BRF1: variants seen among roughly 807,000 people sequenced by gnomAD.
BRF1 encodes BRF1 general transcription factor IIIB subunit.
BRF1 carries 59 observed loss-of-function variants against 81.7 expected under a neutral mutation model. The ratio of observed to expected loss-of-function variants is 0.72; its 90% CI spans 0.59 to 0.90. The LOEUF (loss-of-function observed/expected upper bound fraction) is 0.90, where lower values mean the gene tolerates loss of function less well. BRF1 is among the 40% of genes least tolerant of loss of function. The pLI, the probability that BRF1 is intolerant of heterozygous loss-of-function variation, is 0.00. For missense variants in BRF1, 1,050 were observed against 936.3 expected (o/e 1.12, Z -1.58); for synonymous variants, 491 against 395.6 (o/e 1.24, Z -2.86).
chr14:105,215,579 CACAG>C (rs1172723445), intron 15 of BRF1, among the ~76,000 whole-genome samples: 31 of 149,806 alleles, frequency 2.1e-4, no homozygotes, highest in African/African-American at 7.1e-4. Context: ...ACTGCAGGCA[CACAG>C]ACACAGGCGC....
Position 105,212,112 on chromosome 14 carries a change from C to T in BRF1, c.1824+1G>A, listed in dbSNP as rs1890214524. On this transcript the variant is annotated splice_donor_variant, in intron 16 of 17. Transcript: ENST00000547530. LOFTEE classifies it high-confidence loss of function. ...TGCCCTGGCTGCGTGGGACAACACA[C>T]CTCTCCCGTGGCCACCTTCTTTGCT... 1.9e-6 allele frequency: 3 copies of T among 1,612,682 alleles called. No individual in the cohort carries two copies. Among genetic ancestry groups the T allele is most frequent in the Non-Finnish European group, 1.7e-6 (2 of 1,179,662 alleles).
intron 6 of BRF1, 123 bp from the exon 7 acceptor site, chr14:105,229,036 G>A (rs2054275414): frequency 2.3e-6 from 2 of 858,390 alleles, no homozygotes; most frequent in East Asian, 2.4e-5. Context: ...ACGTGTCTGT[G>A]CCAGGCAGTG....
intron 15 of BRF1, 189 bp downstream of exon 15, chr14:105,217,355 C>T: frequency 1.1e-6 from 1 of 895,380 alleles, no homozygotes; most frequent in Non-Finnish European, 1.7e-6. Context: ...GCCTGCCAGG[C>T]CAAGGAGAGT....
intron 15 of BRF1, among the ~76,000 whole-genome samples, chr14:105,214,478 GGCTCAGCT>G (rs1890713277): frequency 2.1e-5 from 1 of 47,888 alleles, no homozygotes; most frequent in Non-Finnish European, 4.0e-5. Flanking sequence ...ACCCCTGCGT[GGCTCAGCT>G]GCCCACACCC....
intron 2 of BRF1, among the ~76,000 whole-genome samples, chr14:105,281,592 T>C (rs908785281): frequency 9.9e-5 from 15 of 151,856 alleles, no homozygotes; most frequent in South Asian, 2.1e-4. Flanking sequence ...GATGAGTCGA[T>C]GTGGGGCGGC....
intron 5 of BRF1, chr14:105,247,191 C>T (rs1206594349): frequency 4.1e-6 from 4 of 985,328 alleles, no homozygotes; most frequent in Non-Finnish European, 4.8e-6. Context: ...GTGTCCTTGG[C>T]GGGTGCATCC....
intron 4 of BRF1, among the ~76,000 whole-genome samples, chr14:105,253,785 G>A (rs1426884913): frequency 6.6e-6 from 1 of 152,242 alleles, no homozygotes; most frequent in Non-Finnish European, 1.5e-5. Context: ...ACAAGGGCTG[G>A]TGGCTCACAG....
chr14:105,248,755 G>A (rs1381125949), intron 5 of BRF1: 64 of 981,536 alleles, frequency 6.5e-5, no homozygotes, highest in Non-Finnish European at 7.6e-5. Flanking sequence ...GTCGCTCAGT[G>A]CCTGACCTCC....
At chr14:105,248,372 G>T in intron 5 of BRF1, 1 of 985,478 alleles carries the variant, frequency 1.0e-6, no homozygotes, top group South Asian at 4.7e-5. Context: ...TGCGGGTCTG[G>T]GGGCGGCCGC....
At chr14:105,226,881 G>A in intron 7 of BRF1, 121 bp from the exon 8 acceptor site, 1 of 1,488,764 alleles carries the variant, frequency 6.7e-7, no homozygotes, top group Non-Finnish European at 9.1e-7. Flanking sequence ...GCCCAAGGTG[G>A]GTGGATTGCT....
chr14:105,314,986 A>T, intron 1 of BRF1: 1 of 1,247,354 alleles, frequency 8.0e-7, no homozygotes, highest in Non-Finnish European at 1.0e-6. Flanking sequence ...GTGCCCATGA[A>T]CCTGTTCGCC....
rs1168220329 is a variant in BRF1 at position 105,209,703 on chromosome 14, T to C, written c.*848A>G. ...GGAGCGCCACTGCCCTCTGGCTCTG[T>C]CCACGGGGAACTCCCAGCGCCAGGA... On this transcript the variant is annotated 3_prime_UTR_variant, in exon 18 of 18. Transcript: ENST00000547530. 1.6e-6 allele frequency: 1 copy of C among 630,288 alleles called. No homozygotes were observed. The highest frequency in any genetic ancestry group is 2.9e-6 in the Non-Finnish European group (1 of 349,082). 39.0% of individuals were successfully genotyped at this position (630,288 alleles called of 1,614,324 possible).
At chr14:105,225,224 C>T (rs1453854988) in intron 10 of BRF1, among the ~76,000 whole-genome samples, 1 of 152,234 alleles carries the variant, frequency 6.6e-6, no homozygotes, top group African/African-American at 2.4e-5. Context: ...CTCAGGCCCT[C>T]CCGTGGCTCC....
At chr14:105,252,416 C>A in intron 5 of BRF1, 91 bp downstream of exon 5, 1 of 1,513,034 alleles carries the variant, frequency 6.6e-7, no homozygotes, top group Admixed American at 2.3e-5. Flanking sequence ...CATGCTTGGA[C>A]AGGATTTCCC....
intron 1 of BRF1, among the ~76,000 whole-genome samples, chr14:105,296,588 G>A (rs1043197087): frequency 6.6e-6 from 1 of 151,116 alleles, no homozygotes; most frequent in East Asian, 2.0e-4. Context: ...GGCTGAGGCA[G>A]GAGAATCTCT....
intron 5 of BRF1, chr14:105,250,972 T>C (rs141160369): frequency 8.0e-6 from 3 of 377,002 alleles, no homozygotes; most frequent in African/African-American, 6.1e-5. Flanking sequence ...TGGATCTTCC[T>C]GCTACCCTCT....
chr14:105,298,939 G>A (rs1173387072), intron 1 of BRF1, among the ~76,000 whole-genome samples: 4 of 151,974 alleles, frequency 2.6e-5, no homozygotes, highest in African/African-American at 9.7e-5. Context: ...GGGAGGCCGA[G>A]GTAGGCGGAT....
intron 15 of BRF1, among the ~76,000 whole-genome samples, chr14:105,213,863 T>C (rs1890576677): frequency 6.6e-6 from 1 of 152,168 alleles, no homozygotes; most frequent in African/African-American, 2.4e-5. Context: ...GCGGGCTAGC[T>C]GGGGGCCTGT....
At chr14:105,219,310 G>C (rs1216400408) in intron 12 of BRF1, 78 bp from the exon 13 acceptor site, 1 of 1,587,840 alleles carries the variant, frequency 6.3e-7, no homozygotes, top group Admixed American at 1.7e-5. Flanking sequence ...TGGCCAGCGG[G>C]AAGTATTTCC....
Sources: allele counts gnomAD v4.1 joint callset (sites outside exome capture counted in the v4.1 genomes callset), GRCh38; gene constraint gnomAD v4.1.1; transcripts MANE v1.5; gene names NCBI Gene and HGNC (gene_info 2026-07-23, HGNC 2026-07-21).